Variants in KIF19 observed in about 807,000 individuals in gnomAD.
The protein encoded by KIF19 is kinesin family member 19, also known as kinesin-like protein KIF19.
A neutral mutation model predicts 106.6 loss-of-function variants in KIF19; 98 were observed. The ratio of observed to expected loss-of-function variants is 0.92; its 90% CI spans 0.78 to 1.09. The LOEUF is 1.09. KIF19 is among the 50% of genes least tolerant of loss of function. The pLI, the probability that KIF19 is intolerant of heterozygous loss-of-function variation, is 0.00. For missense variants in KIF19, 1,373 were observed against 1,414.3 expected (o/e 0.97, Z 0.47); for synonymous variants, 516 against 584.2 (o/e 0.88, Z 1.68).
rs537249414 is a variant in KIF19 at position 74,346,951 on chromosome 17, A to C, written c.924+427A>C. 2.0e-4 allele frequency among the ~76,000 whole-genome samples: 30 copies of C among 151,758 alleles called. No individual in the cohort carries two copies. The highest frequency in any genetic ancestry group is 7.3e-4 in the African/African-American group (30 of 41,338). ...ATTATAGCAGCATCACTGAGCGCCC[A>C]CTCCTGGCTGGTCTCTTGAATTCAG... On this transcript the variant is annotated intron_variant, in intron 8 of 19. Transcript: ENST00000389916. The surrounding 1 kb of genome is among the most constrained non-coding windows in gnomAD (Gnocchi z 4.6).
chr17:74,338,831 A>C (rs2054284208), intron 2 of KIF19, among the ~76,000 whole-genome samples: 1 of 151,820 alleles, frequency 6.6e-6, no homozygotes, highest in Non-Finnish European at 1.5e-5. Flanking sequence ...GGATCCATGG[A>C]GCCCGGCTGT....
At chr17:74,348,477 C>T (rs1244680741) in intron 9 of KIF19, 1 of 160,528 alleles carries the variant, frequency 6.2e-6, no homozygotes, top group Non-Finnish European at 1.4e-5. Flanking sequence ...CTTAGAAATC[C>T]ATTTCCACCT....
chr17:74,345,477 C>T (rs1452110275), intron 7 of KIF19, among the ~76,000 whole-genome samples: 1 of 152,082 alleles, frequency 6.6e-6, no homozygotes, highest in African/African-American at 2.4e-5. Context: ...ATCTTTGTCC[C>T]CTCTCATGAA....
chr17:74,343,613 G>C (rs1247792681), intron 5 of KIF19, among the ~76,000 whole-genome samples: 1 of 152,236 alleles, frequency 6.6e-6, no homozygotes, highest in Non-Finnish European at 1.5e-5. Flanking sequence ...TGGGATGTCA[G>C]GGACTGGGGA....
Position 74,350,521 on chromosome 17 carries a change from A to G in KIF19, c.1334A>G (p.Asn445Ser). 1 of 1,612,774 alleles carries G rather than the reference A, an allele frequency of 6.2e-7. No homozygotes were observed. The highest frequency in any genetic ancestry group is 1.6e-4 in the Middle Eastern group (1 of 6,062). Residue 445 changes from asparagine to serine, a missense_variant, in exon 11 of 20, where the codon AAC (asparagine) becomes AGC (serine). Physicochemically the swap from Asn to Ser is conservative, Grantham distance 46. Coordinates refer to ENST00000389916, the MANE Select transcript of KIF19 (RefSeq NM_153209.4). ...DVRRRLLELE[N>S]RAMEVQIDTS... ...CGGAGGCGCCTGCTGGAGCTGGAGA[A>G]CCGCGCCATGGAGGTCCAGATTGAC...
At chr17:74,335,515 C>T (rs1405086814) in intron 2 of KIF19, among the ~76,000 whole-genome samples, 1 of 152,372 alleles carries the variant, frequency 6.6e-6, no homozygotes, top group Middle Eastern at 3.4e-3. Flanking sequence ...CACTTCCCTA[C>T]GGGATCTTGA....
At chr17:74,341,531 C>T (rs1311937714) in intron 2 of KIF19, among the ~76,000 whole-genome samples, 1 of 152,188 alleles carries the variant, frequency 6.6e-6, no homozygotes, top group Admixed American at 6.5e-5. Context: ...TGGGGCTGTA[C>T]TGGCCTTGCA....
rs540014461 is a variant in KIF19, at chr17:74,354,313, T to C, written c.2460T>C (p.Asp820=). 4 of 1,608,490 alleles carry C rather than the reference T, an allele frequency of 2.5e-6. No homozygotes were observed. In the South Asian group the frequency reaches 4.4e-5, roughly 18 times the overall value. ...LSLHSLSEGD[D]ARPPGPLACK... is the part of the protein sequence containing the mutation. ...TGCACTCACTGAGCGAGGGCGACGA[T>C]GCGCGGCCACCAGGCCCACTGGCCT... The change falls in exon 18 of 20, where the codon GAT becomes GAC. Residue 820 remains aspartate, a synonymous_variant. Transcript: ENST00000389916.
At position 74,355,187 on chromosome 17, in the gene KIF19, G is replaced by A; in HGVS notation, c.2872G>A (p.Gly958Arg). 1 of 1,600,266 alleles carries A rather than the reference G, an allele frequency of 6.2e-7. No individual in the cohort carries two copies. Among genetic ancestry groups the A allele is most frequent in the African/African-American group, 1.3e-5 (1 of 74,658 alleles). Reference protein sequence around the residue: ...KLPPSQNTGPGDSSPLAVPPN... With the variant: ...KLPPSQNTGPRDSSPLAVPPN... ...TGCCCCTTTCCCTGTTGCAGGCCCG[G>A]GGGACTCCTCACCCCTGGCTGTTCC... Residue 958 changes from glycine to arginine, a missense_variant, in exon 20 of 20, where the codon GGG (glycine) becomes AGG (arginine). By Grantham distance (125) the Gly-to-Arg change is moderately radical (BLOSUM62 -2). This residue lies in a region of KIF19 where 1,020 missense variants were observed against 1,008.2 expected (regional missense o/e 1.01). Transcript: ENST00000389916.
intron 5 of KIF19, among the ~76,000 whole-genome samples, chr17:74,343,458 C>A (rs2054442026): frequency 6.6e-6 from 1 of 152,216 alleles, no homozygotes; most frequent in Non-Finnish European, 1.5e-5. Flanking sequence ...CCCTGTCTGC[C>A]CTGCCAGGCT....
chr17:74,350,251 A>G, intron 10 of KIF19, 150 bp from the exon 11 acceptor site: 2 of 696,726 alleles, frequency 2.9e-6, no homozygotes, highest in East Asian at 5.5e-5. Context: ...AGGATGTAGT[A>G]ATCTAGGGGG....
At chr17:74,328,091 CAGAG>C (rs962397529) in intron 1 of KIF19, among the ~76,000 whole-genome samples, 1 of 152,224 alleles carries the variant, frequency 6.6e-6, no homozygotes, top group African/African-American at 2.4e-5. Context: ...CGCGGAAACA[CAGAG>C]AGGCTGCTCC....
At position 74,351,008 on chromosome 17, in the gene KIF19, TG is replaced by T. The variant is rs746234454; in HGVS notation, c.1587+106del. 1.1e-5 allele frequency: 13 copies of T among 1,192,896 alleles called. No individual in the cohort carries two copies. In the Admixed American group the frequency reaches 2.1e-4, roughly 19 times the overall value. 73.9% of individuals were successfully genotyped at this position (1,192,896 alleles called of 1,614,324 possible). On this transcript the variant is annotated intron_variant, in intron 12 of 19. Coordinates refer to ENST00000389916, the MANE Select transcript of KIF19 (RefSeq NM_153209.4). ...CCAGGGTGGGGGTAGCCGTGAGACTTGGGAACTCAGGCCACAAATCCTGTGT... is the reference window on the plus strand; with the variant it reads ...CCAGGGTGGGGGTAGCCGTGAGACTTGGAACTCAGGCCACAAATCCTGTGT...
At chr17:74,338,323 G>A (rs1567903447) in intron 2 of KIF19, among the ~76,000 whole-genome samples, 1 of 152,204 alleles carries the variant, frequency 6.6e-6, no homozygotes, top group Non-Finnish European at 1.5e-5. Context: ...CCAGAGCAGG[G>A]CTCATGCTGC....
At chr17:74,340,152 C>G (rs1047347510) in intron 2 of KIF19, among the ~76,000 whole-genome samples, 10 of 152,118 alleles carry the variant, frequency 6.6e-5, no homozygotes, top group African/African-American at 2.4e-4. Context: ...CAGGTTATAC[C>G]AGGCCCGACC....
At chr17:74,343,397 G>A (rs1227762040) in intron 5 of KIF19, among the ~76,000 whole-genome samples, 1 of 152,144 alleles carries the variant, frequency 6.6e-6, no homozygotes, top group Non-Finnish European at 1.5e-5. Context: ...GCTCCGCCCT[G>A]TGCCACGCTC....
intron 2 of KIF19, among the ~76,000 whole-genome samples, chr17:74,339,402 G>A (rs1475584247): frequency 4.0e-5 from 6 of 151,864 alleles, no homozygotes; most frequent in African/African-American, 1.4e-4. Flanking sequence ...ATGATCCATT[G>A]TGATTATGTG....
At chr17:74,329,983 T>C (rs1264111214) in intron 2 of KIF19, among the ~76,000 whole-genome samples, 3 of 152,234 alleles carry the variant, frequency 2.0e-5, no homozygotes, top group Non-Finnish European at 4.4e-5. Flanking sequence ...CAATGCCTGT[T>C]TACCTCTGGG....
At chr17:74,347,682 G>T in intron 8 of KIF19, 95 bp from the exon 9 acceptor site, 1 of 1,428,032 alleles carries the variant, frequency 7.0e-7, no homozygotes, top group East Asian at 2.5e-5. Context: ...AAGAGACAGA[G>T]AGATTGCACT....
Sources: gnomAD v4.1 joint callset for allele counts (sites outside exome capture counted in the v4.1 genomes callset) on GRCh38, gnomAD v4.1.1 for gene constraint, gnomAD v4.1.1 regional missense constraint, Gnocchi (gnomAD v3.1) non-coding constraint, MANE v1.5 for transcripts, NCBI Gene and HGNC (gene_info 2026-07-23, HGNC 2026-07-21) for gene names.